NXNL2: variants seen among roughly 807,000 people sequenced by gnomAD.
NXNL2 encodes the protein nucleoredoxin-like protein 2.
NXNL2 carries 7 observed loss-of-function variants against 11.1 expected under a neutral mutation model. The observed-to-expected ratio is 0.63, with a 90% confidence interval of 0.36 to 1.18. NXNL2 has a LOEUF of 1.18. NXNL2 is among the 50% of genes most tolerant of loss of function. The probability of loss-of-function intolerance (pLI) is 0.02; values close to 1 mark genes in which losing one functional copy is unlikely to be tolerated. For missense variants in NXNL2, 233 were observed against 217.7 expected (o/e 1.07, Z -0.44); for synonymous variants, 109 against 101.8 (o/e 1.07, Z -0.42).
At chr9:88,548,982 G>A (rs1257811568), downstream of NXNL2, among the ~76,000 whole-genome samples, 1 of 152,120 alleles carries the variant, frequency 6.6e-6, no homozygotes, top group East Asian at 1.9e-4. Flanking sequence ...TGGGCCCTTA[G>A]GAAACACAGA....
At chr9:88,568,066 G>A (rs1271652538) in intron 1 of NXNL2, among the ~76,000 whole-genome samples, 1 of 152,196 alleles carries the variant, frequency 6.6e-6, no homozygotes, top group Non-Finnish European at 1.5e-5. Context: ...TACCGTGGGT[G>A]GAGCCACGCT....
chr9:88,536,122 G>T (rs1018214423), intron 1 of NXNL2, among the ~76,000 whole-genome samples: 3 of 152,170 alleles, frequency 2.0e-5, no homozygotes, highest in Non-Finnish European at 4.4e-5. Flanking sequence ...GACTCCCGGC[G>T]CCGCTGCGTC....
At chr9:88,551,363 C>T (rs1218583647) in intron 1 of NXNL2, among the ~76,000 whole-genome samples, 4 of 152,156 alleles carry the variant, frequency 2.6e-5, no homozygotes, top group Admixed American at 1.3e-4. Context: ...TATCTGCCAT[C>T]TCTTTTTATT....
intron 1 of NXNL2, among the ~76,000 whole-genome samples, chr9:88,567,384 G>A (rs370514686): frequency 6.6e-5 from 10 of 152,146 alleles, no homozygotes; most frequent in African/African-American, 1.7e-4. Context: ...TGATTTGCCC[G>A]CCTCAGCCTC....
chr9:88,554,286 A>G (rs1587847782), intron 1 of NXNL2, among the ~76,000 whole-genome samples: 2 of 151,994 alleles, frequency 1.3e-5, no homozygotes, highest in East Asian at 3.9e-4. Context: ...GCTCACTGCA[A>G]CCTCCACCTC....
chr9:88,567,429 G>A (rs1830192805), intron 1 of NXNL2, among the ~76,000 whole-genome samples: 2 of 152,170 alleles, frequency 1.3e-5, no homozygotes, highest in Non-Finnish European at 2.9e-5. Context: ...GAGCCACCGC[G>A]CCTGGGCTTG....
rs116655848 is a variant in NXNL2 at position 88,581,083 on chromosome 9, G to A, written n.552-2916G>A. On this transcript the variant is annotated intron_variant and non_coding_transcript_variant, in intron 1 of 1. Coordinates refer to the NXNL2 transcript ENST00000478686. ...GGCTCACCTGGTGAAGGTGCTGTGT[G>A]CAGCTTTCTCCTCGGGGCAGTTGCT... 5.4e-3 allele frequency among the ~76,000 whole-genome samples: 821 copies of A among 152,360 alleles called. 5 individuals are homozygous for A. Among genetic ancestry groups the A allele is most frequent in the African/African-American group, 0.019 (787 of 41,582 alleles).
chr9:88,536,018 C>T (rs968845318), intron 1 of NXNL2, among the ~76,000 whole-genome samples: 1 of 152,174 alleles, frequency 6.6e-6, no homozygotes, highest in Non-Finnish European at 1.5e-5. Flanking sequence ...GGGTCTGGAG[C>T]TCCGGGAATC....
At chr9:88,566,973 C>CATTTATCT (rs1554706786) in intron 1 of NXNL2, among the ~76,000 whole-genome samples, 29 of 123,552 alleles carry the variant, frequency 2.3e-4, no homozygotes, top group Middle Eastern at 9.1e-3. Flanking sequence ...TATTATCTAT[C>CATTTATCT]ATCTATCTAT....
intron 1 of NXNL2, among the ~76,000 whole-genome samples, chr9:88,563,163 G>A (rs1310415896): frequency 6.6e-6 from 1 of 152,182 alleles, no homozygotes; most frequent in Admixed American, 6.5e-5. Flanking sequence ...GACAGAGATA[G>A]ACCGACTTGA....
At chr9:88,566,449 C>T (rs1028583141) in intron 1 of NXNL2, among the ~76,000 whole-genome samples, 4 of 152,024 alleles carry the variant, frequency 2.6e-5, no homozygotes, top group Admixed American at 6.6e-5. Context: ...ACTGCAGGCA[C>T]GCACCACCAC....
chr9:88,548,339 CAAAAAAAAAAAA>C (rs60796870), downstream of NXNL2, among the ~76,000 whole-genome samples: 5 of 31,066 alleles, frequency 1.6e-4, no homozygotes, highest in African/African-American at 6.1e-4. Context: ...GACTTTTTCT[CAAAAAAAAAAAA>C]AAAAAAAAAA....
Position 88,535,477 on chromosome 9 carries a change from G to A in NXNL2, c.43G>A (p.Gly15Ser). The A allele has an allele frequency of 6.2e-7, 1 of 1,608,920 alleles. No individual in the cohort carries two copies. The highest frequency in any genetic ancestry group is 8.5e-7 in the Non-Finnish European group (1 of 1,178,512). ...CGAGCGGCACCTGGTGACCTGTAAG[G>A]GCGCGACGGTGGAGGCCGAGGCGGC... ...LGERHLVTCK[G>S]ATVEAEAALQ... The change falls in exon 1 of 2, where the codon GGC becomes AGC. Residue 15 changes from glycine (G) to serine (S), a missense_variant. Transcript: ENST00000375854.
chr9:88,575,212 CTG>C, exon 3 of NXNL2: 1 of 962,142 alleles, frequency 1.0e-6, no homozygotes, highest in Non-Finnish European at 1.2e-6. Flanking sequence ...TAACAATGTG[CTG>C]TGACCATGTG....
At chr9:88,545,186 AG>A (rs1243628814), downstream of NXNL2, among the ~76,000 whole-genome samples, 2 of 152,198 alleles carry the variant, frequency 1.3e-5, no homozygotes, top group East Asian at 3.8e-4. Context: ...GAAATTTTCA[AG>A]GGTGTGTTTT....
intron 1 of NXNL2, among the ~76,000 whole-genome samples, chr9:88,570,214 G>A (rs555772371): frequency 1.3e-5 from 2 of 152,016 alleles, no homozygotes; most frequent in Non-Finnish European, 2.9e-5. Flanking sequence ...TGCCTCCCAG[G>A]TTCAAGTGAT....
chr9:88,566,301 CTTT>C (rs904995048), intron 1 of NXNL2, among the ~76,000 whole-genome samples: 1 of 145,230 alleles, frequency 6.9e-6, no homozygotes, highest in Admixed American at 6.9e-5. Context: ...GTTTTCTTTT[CTTT>C]TTTTTTTTGA....
downstream of NXNL2, among the ~76,000 whole-genome samples, chr9:88,546,448 C>T (rs1353599770): frequency 7.4e-6 from 1 of 134,310 alleles, no homozygotes; most frequent in African/African-American, 2.7e-5. Flanking sequence ...GAGACAGAGT[C>T]TCTGTCTCCC....
At chr9:88,546,230 C>T (rs528014271), downstream of NXNL2, among the ~76,000 whole-genome samples, 182 of 151,656 alleles carry the variant, frequency 1.2e-3, no homozygotes, top group Non-Finnish European at 2.1e-3. Flanking sequence ...TCCTGGTAAA[C>T]GTGCTTGTAA....
Sources: allele counts gnomAD v4.1 joint callset (sites outside exome capture counted in the v4.1 genomes callset), GRCh38; gene constraint gnomAD v4.1.1; transcripts MANE v1.5; gene names NCBI Gene and HGNC (gene_info 2026-07-23, HGNC 2026-07-21).